The following TRIP12 variants were observed in gnomAD, a reference collection of about 807,000 sequenced individuals.
The protein encoded by TRIP12 is thyroid hormone receptor interactor 12.
In TRIP12, 25 loss-of-function variants were observed where a neutral mutation model predicts 244.2. The ratio of observed to expected loss-of-function variants is 0.10; its 90% CI spans 0.07 to 0.14. The LOEUF is 0.14. TRIP12 is among the 10% of genes least tolerant of loss of function. TRIP12 has a pLI of 1.00. For missense variants in TRIP12, 1,677 were observed against 2,486.4 expected, an observed-to-expected ratio of 0.67 and a Z score of 6.92; for synonymous variants, 905 against 873.1, an observed-to-expected ratio of 1.04 and a Z score of -0.64.
At chr2:229,886,831 A>G (rs1194472388) in intron 1 of TRIP12, among the ~76,000 whole-genome samples, 1 of 152,246 alleles carries the variant, frequency 6.6e-6, no homozygotes, top group Non-Finnish European at 1.5e-5. Flanking sequence ...AAAAAATACA[A>G]GATTTAAGTT....
At position 229,806,692 on chromosome 2, in the gene TRIP12, CCAGT is replaced by C. The variant is rs1429393987; in HGVS notation, c.2497-813_2497-810del. Reference sequence around the variant, plus strand: ...CTTATATATAATGCTGCACAGAAGACCAGTCAAAGTCAATTTTCTCATAAAAGCT... The same window carrying C: ...CTTATATATAATGCTGCACAGAAGACCAAAGTCAATTTTCTCATAAAAGCT... On this transcript the variant is annotated intron_variant, in intron 17 of 41. Coordinates refer to ENST00000675903, the MANE Select transcript of TRIP12 (RefSeq NM_001348323.3). 2.6e-5 allele frequency among the ~76,000 whole-genome samples: 4 copies of C among 152,112 alleles called. No individual in the cohort carries two copies. The East Asian group carries it at 5.8e-4, about 22-fold the overall frequency.
chr2:229,794,566 AAAATAAATAAAT>A (rs148461987), intron 26 of TRIP12, among the ~76,000 whole-genome samples: 7 of 149,808 alleles, frequency 4.7e-5, no homozygotes, highest in African/African-American at 9.9e-5. Context: ...ACTCTGTCCC[AAAATAAATAAAT>A]AAATAAATAA....
In TRIP12 at chr2:229,771,636, C is replaced by T; in HGVS notation, c.5695-4G>A. ...TTAGTGCCCAGAATATAACCAGCTG[C>T]AAAAAGAAAGTTTTCAAAAAACTGT... On this transcript the variant is annotated splice_region_variant and splice_polypyrimidine_tract_variant and intron_variant, in intron 38 of 41. Transcript: ENST00000675903. The T allele has an allele frequency of 2.5e-6, 4 of 1,610,598 alleles. No homozygotes were observed. Among genetic ancestry groups the T allele is most frequent in the South Asian group, 1.1e-5 (1 of 90,878 alleles).
intron 1 of TRIP12, among the ~76,000 whole-genome samples, chr2:229,918,455 T>C (rs900995349): frequency 1.3e-5 from 2 of 152,232 alleles, no homozygotes; most frequent in African/African-American, 4.8e-5. Context: ...AAGAAAACAG[T>C]GACCAAGATT....
At position 229,858,982 on chromosome 2, in the gene TRIP12, C is replaced by A. The variant is rs1016948167; in HGVS notation, c.817G>T (p.Ala273Ser). 4.3e-6 allele frequency: 7 copies of A among 1,614,172 alleles called. No individual in the cohort carries two copies. The highest frequency in any genetic ancestry group is 5.9e-6 in the Non-Finnish European group (7 of 1,180,036). Residue 273 changes from alanine (A) to serine (S), a missense_variant, in exon 4 of 42, where the codon GCC becomes TCC. Coordinates refer to ENST00000675903, the MANE Select transcript of TRIP12 (RefSeq NM_001348323.3). Reference sequence around the variant, plus strand: ...CTGGACGCTGAACGGGAACGCCTGGCCTTGTTCTGATCTTTTCCTTGTTTC... The same window carrying A: ...CTGGACGCTGAACGGGAACGCCTGGACTTGTTCTGATCTTTTCCTTGTTTC... ...RVKQGKDQNK[A>S]RRSRSASSPS...
chr2:229,857,494 T>C (rs1457788088), intron 4 of TRIP12, among the ~76,000 whole-genome samples: 2 of 152,086 alleles, frequency 1.3e-5, no homozygotes, highest in Non-Finnish European at 2.9e-5. Context: ...CTGGGTGTGA[T>C]GGCGCACACT....
Position 229,796,743 on chromosome 2 carries a change from T to C in TRIP12, c.3664A>G (p.Ile1222Val), listed in dbSNP as rs970780241. ...GATGAAACATCTGACTCTGAGACTA[T>C]GCTACGGATTTCTACAAGGCACTCA... ...GAECLVEIRS[I>V]VSESDVSSFE... Residue 1222 changes from isoleucine to valine, a missense_variant, in exon 25 of 42, where the codon ATA becomes GTA. This residue lies in a region of TRIP12 where 572 missense variants were observed against 867.8 expected (regional missense o/e 0.66). Transcript: ENST00000675903. The C allele has an allele frequency of 5.0e-6, 8 of 1,602,796 alleles. No individual in the cohort carries two copies. The highest frequency in any genetic ancestry group is 2.3e-5 in the South Asian group (2 of 88,540).
intron 4 of TRIP12, among the ~76,000 whole-genome samples, chr2:229,853,298 G>C (rs2059044446): frequency 6.6e-6 from 1 of 151,976 alleles, no homozygotes; most frequent in Non-Finnish European, 1.5e-5. Context: ...ACTAAGATTT[G>C]TATTAATCAG....
chr2:229,825,144 T>C (rs1184599958), intron 8 of TRIP12, among the ~76,000 whole-genome samples: 1 of 152,190 alleles, frequency 6.6e-6, no homozygotes, highest in African/African-American at 2.4e-5. Flanking sequence ...CAGCAGCAAC[T>C]TGAAATCTCG....
chr2:229,814,433 A>G, intron 11 of TRIP12, 108 bp from the exon 12 acceptor site: 1 of 1,020,144 alleles, frequency 9.8e-7, no homozygotes, highest in South Asian at 1.7e-5. Context: ...TATCTCTAAC[A>G]TGTAACCCAC....
intron 2 of TRIP12, among the ~76,000 whole-genome samples, chr2:229,871,408 G>A (rs1271776070): frequency 1.3e-5 from 2 of 152,156 alleles, no homozygotes; most frequent in African/African-American, 2.4e-5. Context: ...TGAATCACTG[G>A]GGTGGATGGA....
In TRIP12 at chr2:229,899,703, T is replaced by C. The variant is rs146064698; in HGVS notation, c.-49-19575A>G. Among the ~76,000 whole-genome samples, 197 of 152,210 alleles carry C rather than the reference T, an allele frequency of 1.3e-3. 1 individual carries two copies. The Middle Eastern group carries it at 0.014, about 11-fold the overall frequency. On this transcript the variant is annotated intron_variant, in intron 1 of 41. Transcript: ENST00000675903. ...ACACATTCCAGGAAGAGCTGGTATA[T>C]AAGAACTCATGAAAATAAGGTATTT...
At chr2:229,804,838 G>T (rs1404287052) in intron 18 of TRIP12, among the ~76,000 whole-genome samples, 1 of 152,136 alleles carries the variant, frequency 6.6e-6, no homozygotes, top group Non-Finnish European at 1.5e-5. Flanking sequence ...GGCAATGGTG[G>T]TGAGTATAGA....
chr2:229,908,365 T>C (rs2073420237), intron 1 of TRIP12, among the ~76,000 whole-genome samples: 1 of 152,204 alleles, frequency 6.6e-6, no homozygotes, highest in Non-Finnish European at 1.5e-5. Flanking sequence ...TTCTGAGAAA[T>C]ATCTTGGTAG....
intron 4 of TRIP12, among the ~76,000 whole-genome samples, chr2:229,856,625 G>A (rs892831925): frequency 6.6e-6 from 1 of 152,200 alleles, no homozygotes; most frequent in Non-Finnish European, 1.5e-5. Context: ...AGAAGGGGAA[G>A]TGAATCCTAA....
rs370118824 is a variant in TRIP12 at position 229,840,857 on chromosome 2, T to A, written c.1098A>T (p.Thr366=). The stretch of plus-strand genomic sequence containing the variant: ...CACAGGAGCCCGTGGTCTTTTGGCG[T>A]GTGCTCCGCCTCAAACTGGGGAGCT... ...PAELPSLRRS[T]RQKTTGSCAS... is the part of the protein sequence containing the mutation. Residue 366 remains threonine (T), a synonymous_variant, in exon 5 of 42, where the codon ACA becomes ACT. Transcript: ENST00000675903. 11 of 1,607,606 alleles carry A rather than the reference T, an allele frequency of 6.8e-6. No individual in the cohort carries two copies. The highest frequency in any genetic ancestry group is 1.3e-5 in the African/African-American group (1 of 74,080).
intron 6 of TRIP12, among the ~76,000 whole-genome samples, chr2:229,836,599 T>A (rs1479641194): frequency 1.3e-5 from 2 of 152,174 alleles, no homozygotes; most frequent in Non-Finnish European, 2.9e-5. Context: ...TACACACTAG[T>A]CAATATATAA....
chr2:229,913,901 G>A (rs1033291562), intron 1 of TRIP12, among the ~76,000 whole-genome samples: 2 of 152,194 alleles, frequency 1.3e-5, no homozygotes, highest in Non-Finnish European at 2.9e-5. Context: ...GTTACAGAAG[G>A]AGAATAGGAG....
intron 1 of TRIP12, among the ~76,000 whole-genome samples, chr2:229,896,954 AT>A (rs973071799): frequency 3.7e-4 from 57 of 152,340 alleles, no homozygotes; most frequent in African/African-American, 1.3e-3. Context: ...ATAAATCCTA[AT>A]GTAAACTAGG....
Sources: allele counts gnomAD v4.1 joint callset (sites outside exome capture counted in the v4.1 genomes callset), GRCh38; gene constraint gnomAD v4.1.1; regional missense constraint gnomAD v4.1.1; transcripts MANE v1.5; gene names NCBI Gene and HGNC (gene_info 2026-07-23, HGNC 2026-07-21).